The following COL5A2 variants were observed in gnomAD, a reference collection of about 807,000 sequenced individuals.
COL5A2 encodes collagen alpha-2(V) chain.
In COL5A2, 23 loss-of-function variants were observed where a neutral mutation model predicts 208.2. The ratio of observed to expected loss-of-function variants is 0.11; its 90% CI spans 0.08 to 0.16. COL5A2 has a LOEUF of 0.16. Ranked by LOEUF, COL5A2 falls within the 10% of genes least tolerant of loss-of-function variation. The probability of loss-of-function intolerance (pLI) is 1.00; values close to 1 mark genes in which losing one functional copy is unlikely to be tolerated. For missense variants in COL5A2, 1,590 were observed against 1,956.4 expected, an observed-to-expected ratio of 0.81 and a Z score of 3.53; for synonymous variants, 625 against 628.5, an observed-to-expected ratio of 0.99 and a Z score of 0.08.
chr2:189,342,198 T>C, the COL5A2 span, among the ~76,000 whole-genome samples: 344 of 131,858 alleles, frequency 2.6e-3, no homozygotes, highest in African/African-American at 0.011. Flanking sequence ...TAGTGTGCTC[T>C]TTTTTTTTTT....
intron 1 of COL5A2, among the ~76,000 whole-genome samples, chr2:189,123,313 A>G (rs531465614): frequency 6.6e-6 from 1 of 152,346 alleles, no homozygotes; most frequent in South Asian, 2.1e-4. Context: ...ATGGAGGAAG[A>G]AATATCTACT....
At chr2:189,259,401 C>A in the COL5A2 span, among the ~76,000 whole-genome samples, 2 of 152,228 alleles carry the variant, frequency 1.3e-5, no homozygotes, top group South Asian at 4.1e-4. Flanking sequence ...ACTATGGTAA[C>A]CATATAACAT....
At chr2:189,228,923 C>G (rs1689448874), upstream of COL5A2, among the ~76,000 whole-genome samples, 1 of 151,678 alleles carries the variant, frequency 6.6e-6, no homozygotes, top group Non-Finnish European at 1.5e-5. Context: ...AATATATGAG[C>G]AAACTAAATT....
upstream of COL5A2, among the ~76,000 whole-genome samples, chr2:189,229,605 C>G (rs187678691): frequency 2.1e-4 from 32 of 151,670 alleles, no homozygotes; most frequent in East Asian, 6.0e-3. Flanking sequence ...CAATAAAATC[C>G]TTAGGAAAAA....
the COL5A2 span, among the ~76,000 whole-genome samples, chr2:189,302,610 C>T: frequency 1.3e-5 from 2 of 152,240 alleles, no homozygotes; most frequent in South Asian, 4.1e-4. Context: ...ATTTCGGTTA[C>T]CTGTGATCAA....
At chr2:189,325,501 T>C in the COL5A2 span, among the ~76,000 whole-genome samples, 280 of 147,152 alleles carry the variant, frequency 1.9e-3, 2 homozygotes, top group African/African-American at 6.6e-3. Flanking sequence ...CACACACACA[T>C]ACACACATAC....
chr2:189,312,294 T>A, the COL5A2 span, among the ~76,000 whole-genome samples: 1 of 152,082 alleles, frequency 6.6e-6, no homozygotes, highest in African/African-American at 2.4e-5. Flanking sequence ...TTGCATGGTA[T>A]CCTTCTCGTT....
At chr2:189,311,764 T>G in the COL5A2 span, 9 of 812,672 alleles carry the variant, frequency 1.1e-5, no homozygotes, top group Admixed American at 3.5e-5. Context: ...CTCCTCTCGG[T>G]TCTTCCAAGC....
intron 33 of COL5A2, among the ~76,000 whole-genome samples, chr2:189,057,993 T>C (rs2105576930): frequency 6.6e-6 from 1 of 152,340 alleles, no homozygotes; most frequent in Admixed American, 6.5e-5. Flanking sequence ...TGATGCATTA[T>C]ATTTTCAGAT....
the COL5A2 span, among the ~76,000 whole-genome samples, chr2:189,257,322 T>C: frequency 6.6e-6 from 1 of 152,218 alleles, no homozygotes; most frequent in African/African-American, 2.4e-5. Flanking sequence ...AAATTCTTAT[T>C]ATGTATGACA....
chr2:189,194,425 T>A (rs1295453018), intron 1 of COL5A2, among the ~76,000 whole-genome samples: 1 of 152,212 alleles, frequency 6.6e-6, no homozygotes. Flanking sequence ...GGTTTCTTTC[T>A]CACTTAGGAA....
chr2:189,042,660 C>T, intron 49 of COL5A2, 60 bp downstream of exon 49: 1 of 1,476,262 alleles, frequency 6.8e-7, no homozygotes, highest in Non-Finnish European at 9.4e-7. Context: ...CAAGCATTAG[C>T]AGTACATCAA....
the COL5A2 span, among the ~76,000 whole-genome samples, chr2:189,391,368 T>C: frequency 6.6e-6 from 1 of 152,188 alleles, no homozygotes; most frequent in African/African-American, 2.4e-5. Flanking sequence ...AAACCATCTC[T>C]GACTCGTGGC....
chr2:189,041,974 A>T (rs1685570983), intron 49 of COL5A2, among the ~76,000 whole-genome samples: 1 of 152,204 alleles, frequency 6.6e-6, no homozygotes, highest in South Asian at 2.1e-4. Flanking sequence ...TAAACCTCAC[A>T]TATTGTAAAC....
At position 189,034,007 on chromosome 2, in the gene COL5A2, A is replaced by C; in HGVS notation, c.*63T>G. ...CTCAGGATCAACTTCAAACAGTCAAAGTTCTTGTGAATGGCGGTGGTCATT... is the reference window on the plus strand; with the variant it reads ...CTCAGGATCAACTTCAAACAGTCAACGTTCTTGTGAATGGCGGTGGTCATT... On this transcript the variant is annotated 3_prime_UTR_variant, in exon 54 of 54. Transcript: ENST00000374866. The C allele has an allele frequency of 6.2e-7, 1 of 1,609,244 alleles. No individual in the cohort carries two copies. Among genetic ancestry groups the C allele is most frequent in the South Asian group, 1.1e-5 (1 of 90,992 alleles).
intron 1 of COL5A2, among the ~76,000 whole-genome samples, chr2:189,134,122 T>C (rs1190253553): frequency 6.6e-6 from 1 of 152,198 alleles, no homozygotes; most frequent in Non-Finnish European, 1.5e-5. Context: ...CTGAGAGTTA[T>C]TGGTATACTT....
chr2:189,154,973 A>T (rs1688216574), intron 1 of COL5A2, among the ~76,000 whole-genome samples: 1 of 152,212 alleles, frequency 6.6e-6, no homozygotes, highest in Middle Eastern at 3.4e-3. Context: ...AAGTATCCTG[A>T]CAGATTATTT....
rs2229495 is a variant in COL5A2, at chr2:189,068,105, T to C, written c.1311A>G (p.Pro437=). The C allele has an allele frequency of 0.97, 1,571,276 of 1,613,694 alleles. 765,725 individuals are homozygous for C. Among genetic ancestry groups the C allele is most frequent in the Non-Finnish European group, 0.98 (1,159,556 of 1,179,728 alleles). The part of the protein sequence containing the change: ...TPGAKGPTGS[P]GTSGPPGSAG... ...CTGAGCCAGGAGGACCAGAGGTACC[T>C]GGAGAGCCCTATTAAACAGCAAGAG... The change falls in exon 21 of 54, where the codon CCA becomes CCG. Residue 437 remains proline (P), a synonymous_variant. Coordinates refer to ENST00000374866, the MANE Select transcript of COL5A2 (RefSeq NM_000393.5).
the COL5A2 span, among the ~76,000 whole-genome samples, chr2:189,431,784 T>A: frequency 6.6e-6 from 1 of 152,144 alleles, no homozygotes; most frequent in Non-Finnish European, 1.5e-5. Flanking sequence ...CAGGATATTA[T>A]CCAGAAGAAC....
Sources: gnomAD v4.1 joint callset for allele counts (sites outside exome capture counted in the v4.1 genomes callset) on GRCh38, gnomAD v4.1.1 for gene constraint, MANE v1.5 for transcripts, NCBI Gene and HGNC (gene_info 2026-07-23, HGNC 2026-07-21) for gene names.